The following TMEM237 variants were observed in gnomAD, a reference collection of about 807,000 sequenced individuals.
TMEM237 encodes the protein transmembrane protein 237.
A neutral mutation model predicts 59.1 loss-of-function variants in TMEM237; 51 were observed. The observed-to-expected ratio is 0.86, with a 90% CI of 0.69 to 1.09. The LOEUF (loss-of-function observed/expected upper bound fraction) is 1.09, where lower values mean the gene tolerates loss of function less well. TMEM237 is among the 50% of genes least tolerant of loss of function. The pLI, the probability that TMEM237 is intolerant of heterozygous loss-of-function variation, is 0.00. For missense variants in TMEM237, 475 were observed against 478.3 expected, an observed-to-expected ratio of 0.99 and a Z score of 0.06; for synonymous variants, 140 against 166.1, an observed-to-expected ratio of 0.84 and a Z score of 1.21.
At chr2:201,634,606 C>G (rs1687258395) in intron 5 of TMEM237, among the ~76,000 whole-genome samples, 1 of 152,176 alleles carries the variant, frequency 6.6e-6, no homozygotes, top group Non-Finnish European at 1.5e-5. Context: ...GATTTTTAAA[C>G]TTGTATCTTA....
At chr2:201,631,861 C>G (rs986209235) in intron 7 of TMEM237, among the ~76,000 whole-genome samples, 190 bp downstream of exon 7, 1 of 152,102 alleles carries the variant, frequency 6.6e-6, no homozygotes, top group African/African-American at 2.4e-5. Flanking sequence ...TGACATTATT[C>G]CTCTCCTATT....
At position 201,639,486 on chromosome 2, in the gene TMEM237, C is replaced by G. The variant is rs544031852; in HGVS notation, c.80-441G>C. Among the ~76,000 whole-genome samples, 6 of 152,216 alleles carry G rather than the reference C, an allele frequency of 3.9e-5. No homozygotes were observed. The South Asian group carries it at 1.2e-3, about 32-fold the overall frequency. On this transcript the variant is annotated intron_variant, in intron 3 of 12. Coordinates refer to ENST00000409883, the MANE Select transcript of TMEM237 (RefSeq NM_001044385.3). Reference sequence around the variant, plus strand: ...GAAGCCTCATGTTAAGATGGTGGGACCACAGCACAGAAGTAGCCTAGATTG... The same window carrying G: ...GAAGCCTCATGTTAAGATGGTGGGAGCACAGCACAGAAGTAGCCTAGATTG...
At chr2:201,642,688 G>T in intron 1 of TMEM237, 1 of 1,596,716 alleles carries the variant, frequency 6.3e-7, no homozygotes, top group Non-Finnish European at 8.5e-7. Context: ...CACCCCTCCC[G>T]GCTCGGTCGC....
In TMEM237 at chr2:201,633,389, G is replaced by C. The variant is rs1186656902; in HGVS notation, c.317C>G (p.Ser106Cys). 2.1e-5 allele frequency: 33 copies of C among 1,577,372 alleles called. No homozygotes were observed. Among genetic ancestry groups the C allele is most frequent in the Non-Finnish European group, 2.7e-5 (31 of 1,160,780 alleles). Residue 106 changes from serine to cysteine, a missense_variant, in exon 6 of 13, where the codon TCT becomes TGT. Physicochemically the swap from Ser to Cys is moderately radical, Grantham distance 112. Coordinates refer to ENST00000409883, the MANE Select transcript of TMEM237 (RefSeq NM_001044385.3). ...AATACCATTTTCATTTCGTAATAAA[G>C]ATGAACTAGATGACTTCTTTTGGGT... is the stretch of plus-strand genomic sequence containing the variant. ...SSTQKKSSSS[S>C]LLRNENGIDA... is the part of the protein sequence containing the mutation.
At chr2:201,626,810 A>C (rs2105897745) in intron 11 of TMEM237, among the ~76,000 whole-genome samples, 1 of 152,352 alleles carries the variant, frequency 6.6e-6, no homozygotes, top group South Asian at 2.1e-4. Flanking sequence ...GGCTGGGCGC[A>C]GTGGCTCATG....
chr2:201,636,650 G>A (rs1405796834), intron 5 of TMEM237, 98 bp downstream of exon 5: 1 of 1,367,772 alleles, frequency 7.3e-7, no homozygotes, highest in Admixed American at 2.5e-5. Flanking sequence ...CCACCTGTGG[G>A]ATATGGATAG....
chr2:201,640,144 A>C (rs879937591), intron 3 of TMEM237, 117 bp downstream of exon 3: 2 of 822,672 alleles, frequency 2.4e-6, no homozygotes, highest in Non-Finnish European at 3.5e-6. Flanking sequence ...TTATTTCACA[A>C]AAACATATTG....
At chr2:201,629,999 T>C in intron 7 of TMEM237, 147 bp from the exon 8 acceptor site, 1 of 960,126 alleles carries the variant, frequency 1.0e-6, no homozygotes, top group East Asian at 2.9e-5. Context: ...TCAGTACCTA[T>C]TTCAGAAGGA....
chr2:201,640,230 C>T (rs1687386731), intron 3 of TMEM237, 31 bp downstream of exon 3: 1 of 1,534,862 alleles, frequency 6.5e-7, no homozygotes, highest in Non-Finnish European at 8.7e-7. Context: ...TTTTGAACAC[C>T]AAATATTATA....
chr2:201,633,838 C>T (rs1287017382), intron 5 of TMEM237, among the ~76,000 whole-genome samples: 2 of 152,232 alleles, frequency 1.3e-5, no homozygotes, highest in Admixed American at 1.3e-4. Context: ...CAAGTACAAG[C>T]TTCCAAGAGT....
In TMEM237 at chr2:201,626,003, A is replaced by C. The variant is rs1374433453; in HGVS notation, c.1159+23T>G. 4 of 1,554,704 alleles carry C rather than the reference A, an allele frequency of 2.6e-6. No individual in the cohort carries two copies. The African/African-American group carries it at 4.1e-5, about 16-fold the overall frequency. On this transcript the variant is annotated intron_variant, in intron 12 of 12. Transcript: ENST00000409883. Reference sequence around the variant, plus strand: ...TTATAGAAGATTTCAGGATATTCTTATGCTATTTTTTTTCTTTAATACCTT... The same window carrying C: ...TTATAGAAGATTTCAGGATATTCTTCTGCTATTTTTTTTCTTTAATACCTT...
At chr2:201,640,193 A>G in intron 3 of TMEM237, 68 bp downstream of exon 3, 3 of 1,337,268 alleles carry the variant, frequency 2.2e-6, no homozygotes, top group Non-Finnish European at 3.0e-6. Context: ...CAGTTTTAAG[A>G]GAAACAAACC....
At chr2:201,642,882 TGGC>T in intron 1 of TMEM237, 1 of 1,337,442 alleles carries the variant, frequency 7.5e-7, no homozygotes, top group Non-Finnish European at 9.5e-7. Flanking sequence ...CTGGCGACCG[TGGC>T]GCTGCAATCA....
At chr2:201,626,853 G>A (rs905919731) in intron 11 of TMEM237, among the ~76,000 whole-genome samples, 37 of 152,300 alleles carry the variant, frequency 2.4e-4, no homozygotes, top group African/African-American at 7.7e-4. Context: ...AGGCCAAGGC[G>A]GGTGGATCAC....
intron 4 of TMEM237, among the ~76,000 whole-genome samples, chr2:201,637,744 C>CA (rs60167652): frequency 0.13 from 8,432 of 62,954 alleles, 336 homozygotes; most frequent in African/African-American, 0.17. Flanking sequence ...GACTCCGTCT[C>CA]AAAAAAAAAA....
rs762678333 is a variant in TMEM237, at chr2:201,632,135, G to T, written c.469C>A (p.Gln157Lys). ...ACAGACTGCTGTTCCACAGTAGTTT[G>T]CTCATCAGTGATTATGTCTTCATCT... ...VEDEDIITDE[Q>K]TTVEQQSVFT... is the part of the protein sequence containing the mutation. The change falls in exon 7 of 13, where the codon CAA (glutamine) becomes AAA (lysine). Residue 157 changes from glutamine (Q) to lysine (K), a missense_variant. Transcript: ENST00000409883. 34 of 1,613,808 alleles carry T rather than the reference G, an allele frequency of 2.1e-5. No individual in the cohort carries two copies. The highest frequency in any genetic ancestry group is 2.6e-5 in the Non-Finnish European group (31 of 1,179,842).
chr2:201,642,789 A>G (rs2105905573), intron 1 of TMEM237: 1 of 1,421,310 alleles, frequency 7.0e-7, no homozygotes, highest in East Asian at 2.9e-5. Flanking sequence ...AGAGGCGTGC[A>G]GGGACCTGGA....
At position 201,632,079 on chromosome 2, in the gene TMEM237, AG is replaced by A; in HGVS notation, c.524del (p.Pro175LeufsTer2). 6.2e-7 allele frequency: 1 copy of A among 1,613,916 alleles called. No homozygotes were observed. The highest frequency in any genetic ancestry group is 8.5e-7 in the Non-Finnish European group (1 of 1,179,822). On this transcript the variant is annotated frameshift_variant, in exon 7 of 13. Transcript: ENST00000409883. LOFTEE classifies it high-confidence loss of function. ...VFTAPTGISQ[P>X]VGKVFVEKSR... ...TTTTTTCCACAAATACTTTGCCTACAGGCTGGCTAATGCCAGTGGGTGCAGT... is the reference window on the plus strand; with the variant it reads ...TTTTTTCCACAAATACTTTGCCTACAGCTGGCTAATGCCAGTGGGTGCAGT...
chr2:201,629,451 A>C, intron 8 of TMEM237, 30 bp from the exon 9 acceptor site: 1 of 1,482,514 alleles, frequency 6.7e-7, no homozygotes. Context: ...ATTATTATAC[A>C]TGAATTACTA....
Sources: allele counts gnomAD v4.1 joint callset (sites outside exome capture counted in the v4.1 genomes callset), GRCh38; gene constraint gnomAD v4.1.1; transcripts MANE v1.5; gene names NCBI Gene and HGNC (gene_info 2026-07-23, HGNC 2026-07-21).